The following FANCL variants were observed in gnomAD, a reference collection of about 807,000 sequenced individuals.
FANCL encodes FA complementation group L.
Under a neutral mutation model 59.4 loss-of-function variants are expected in FANCL, and 69 were observed. The ratio of observed to expected loss-of-function variants is 1.16; its 90% confidence interval spans 0.96 to 1.42. The LOEUF (loss-of-function observed/expected upper bound fraction) is 1.42, where lower values mean the gene tolerates loss of function less well. Among genes scored for constraint, FANCL ranks in the 40% most tolerant of loss-of-function variants. FANCL has a pLI of 0.00. For synonymous variants in FANCL, 180 were observed against 147.1 expected (o/e 1.22, Z -1.62); for missense variants, 519 against 447.2 (o/e 1.16, Z -1.45).
Position 58,159,376 on chromosome 2 carries a change from CAA to C in FANCL, c.*387_*388del, listed in dbSNP as rs756707104. ...AAGCACAAGGAGAAGACAGAAATAT[CAA>C]GAGTCTCAAGAACCTTTGAATGAAG... On this transcript the variant is annotated 3_prime_UTR_variant, in exon 14 of 14. Transcript: ENST00000233741. 4.3e-6 allele frequency: 7 copies of C among 1,609,926 alleles called. No individual in the cohort carries two copies. The South Asian group carries it at 7.7e-5, about 18-fold the overall frequency.
intron 1 of FANCL, among the ~76,000 whole-genome samples, chr2:58,234,947 T>C (rs1039536813): frequency 3.9e-5 from 6 of 151,964 alleles, no homozygotes; most frequent in East Asian, 1.9e-4. Flanking sequence ...CATTAAACAA[T>C]AGGCAGCGAG....
At chr2:58,214,318 C>CT (rs1236328253) in intron 5 of FANCL, among the ~76,000 whole-genome samples, 3 of 152,100 alleles carry the variant, frequency 2.0e-5, no homozygotes, top group Non-Finnish European at 4.4e-5. Flanking sequence ...TAATACAAAG[C>CT]AAAAGACAAC....
At chr2:58,236,364 T>G (rs1464252071) in intron 1 of FANCL, among the ~76,000 whole-genome samples, 1 of 151,726 alleles carries the variant, frequency 6.6e-6, no homozygotes, top group East Asian at 1.9e-4. Flanking sequence ...ATTATATAGT[T>G]GATAAACCAA....
At chr2:58,162,836 C>G in intron 11 of FANCL, 30 bp downstream of exon 11, 1 of 1,573,772 alleles carries the variant, frequency 6.4e-7, no homozygotes, top group Non-Finnish European at 8.7e-7. Flanking sequence ...GCAATACTGT[C>G]TGGAATATCA....
rs187946112 is a variant in FANCL at position 58,170,630 on chromosome 2, G to A, written c.541-4756C>T. ...GCTGTATTCAGGAGATCCATCTCAC[G>A]TGCAAAGAAACACACAGGCTCGAAA... On this transcript the variant is annotated intron_variant, in intron 7 of 13. Coordinates refer to ENST00000233741, the MANE Select transcript of FANCL (RefSeq NM_018062.4). Among the ~76,000 whole-genome samples, 14 of 151,278 alleles carry A rather than the reference G, an allele frequency of 9.3e-5. No individual in the cohort carries two copies. In the East Asian group the frequency reaches 2.1e-3, roughly 23 times the overall value.
At chr2:58,168,274 A>G (rs1395177491) in intron 7 of FANCL, among the ~76,000 whole-genome samples, 8 of 152,138 alleles carry the variant, frequency 5.3e-5, no homozygotes, top group African/African-American at 1.9e-4. Context: ...GGGACTGGTT[A>G]GATAGTGGGT....
At chr2:58,219,175 T>A (rs374060779) in intron 5 of FANCL, among the ~76,000 whole-genome samples, 344 of 51,380 alleles carry the variant, frequency 6.7e-3, no homozygotes, top group East Asian at 0.013. Context: ...AAAAAAAATA[T>A]ATATATATAT....
At chr2:58,211,825 C>T (rs1266199257) in intron 5 of FANCL, among the ~76,000 whole-genome samples, 1 of 152,188 alleles carries the variant, frequency 6.6e-6, no homozygotes, top group Non-Finnish European at 1.5e-5. Context: ...CAGTTCCCAA[C>T]AAATTCCTCA....
At chr2:58,203,062 A>G (rs1690208493) in intron 6 of FANCL, among the ~76,000 whole-genome samples, 2 of 151,656 alleles carry the variant, frequency 1.3e-5, no homozygotes, top group Non-Finnish European at 3.0e-5. Flanking sequence ...ACAAACTAAA[A>G]AATAAAAATC....
chr2:58,212,704 C>G (rs947110523), intron 5 of FANCL, among the ~76,000 whole-genome samples: 1 of 151,480 alleles, frequency 6.6e-6, no homozygotes, highest in Non-Finnish European at 1.5e-5. Flanking sequence ...TAACAGAAAC[C>G]CACCAAGACA....
chr2:58,224,536 C>G (rs866494663), intron 4 of FANCL, among the ~76,000 whole-genome samples: 42 of 151,866 alleles, frequency 2.8e-4, no homozygotes, highest in Non-Finnish European at 5.6e-4. Context: ...TTAGAAGGTT[C>G]TTATTAGCAT....
intron 7 of FANCL, among the ~76,000 whole-genome samples, chr2:58,187,336 G>C (rs1202947959): frequency 6.8e-6 from 1 of 146,184 alleles, no homozygotes; most frequent in African/African-American, 2.5e-5. Context: ...AACACCGCAT[G>C]TTCTCACTCG....
intron 7 of FANCL, among the ~76,000 whole-genome samples, chr2:58,192,159 CT>C (rs1688987750): frequency 6.6e-6 from 1 of 151,902 alleles, no homozygotes; most frequent in African/African-American, 2.4e-5. Context: ...CAACTAGTTT[CT>C]TTGGGTCTTT....
intron 12 of FANCL, 100 bp downstream of exon 12, chr2:58,161,422 C>G (rs1685142892): frequency 1.2e-6 from 1 of 819,778 alleles, no homozygotes. Flanking sequence ...GAGAGGATCA[C>G]TATTGACTCA....
At chr2:58,210,978 C>T (rs1691084803) in intron 5 of FANCL, among the ~76,000 whole-genome samples, 1 of 152,180 alleles carries the variant, frequency 6.6e-6, no homozygotes, top group Non-Finnish European at 1.5e-5. Flanking sequence ...CTTTTCCAGG[C>T]ACAGTGTGCA....
intron 7 of FANCL, among the ~76,000 whole-genome samples, chr2:58,186,684 T>C (rs370906866): frequency 1.3e-5 from 2 of 152,182 alleles, no homozygotes; most frequent in East Asian, 3.9e-4. Context: ...GGTGTAGATA[T>C]GTATGTATGC....
At chr2:58,196,161 T>C (rs1018340024) in intron 7 of FANCL, among the ~76,000 whole-genome samples, 6 of 151,978 alleles carry the variant, frequency 3.9e-5, no homozygotes, top group Non-Finnish European at 2.9e-5. Context: ...TAAACAAATA[T>C]GGCAAAAAGT....
intron 5 of FANCL, among the ~76,000 whole-genome samples, chr2:58,211,742 C>G (rs1691184177): frequency 6.6e-6 from 1 of 152,226 alleles, no homozygotes; most frequent in African/African-American, 2.4e-5. Flanking sequence ...GTTCATAGTT[C>G]CACATATCTC....
chr2:58,221,965 C>T lies in FANCL; in HGVS notation c.351G>A (p.Glu117=). 2 of 1,612,914 alleles carry T rather than the reference C, an allele frequency of 1.2e-6. No individual in the cohort carries two copies. The highest frequency in any genetic ancestry group is 1.7e-5 in the Admixed American group (1 of 60,020). The change falls in exon 5 of 14, where the codon GAG becomes GAA. Residue 117 remains glutamate, a synonymous_variant. Coordinates refer to ENST00000233741, the MANE Select transcript of FANCL (RefSeq NM_018062.4). ...PPQFYSSLIE[E]IGTLGWDKLV... ...ACTTATCCCAACCAAGAGTTCCTATCTCTTCAATAAGGCTTGAGTAGAACT... is the reference window on the plus strand; with the variant it reads ...ACTTATCCCAACCAAGAGTTCCTATTTCTTCAATAAGGCTTGAGTAGAACT...
Sources: gnomAD v4.1 joint callset for allele counts (sites outside exome capture counted in the v4.1 genomes callset) on GRCh38, gnomAD v4.1.1 for gene constraint, MANE v1.5 for transcripts, NCBI Gene and HGNC (gene_info 2026-07-23, HGNC 2026-07-21) for gene names.